Variants in RORA observed in about 807,000 individuals in gnomAD.
RORA encodes the protein nuclear receptor ROR-alpha.
Under a neutral mutation model 69.5 loss-of-function variants are expected in RORA, and 7 were observed. That is an observed-to-expected ratio of 0.10 (90% confidence interval 0.06 to 0.19). RORA has a LOEUF of 0.19. Among genes scored for constraint, RORA ranks in the 10% least tolerant of loss-of-function variants. The pLI, the probability that RORA is intolerant of heterozygous loss-of-function variation, is 1.00. For missense variants in RORA, 457 were observed against 663.0 expected (o/e 0.69, Z 3.41); for synonymous variants, 261 against 240.8 (o/e 1.08, Z -0.78).
intron 2 of RORA, among the ~76,000 whole-genome samples, chr15:60,668,295 TA>T (rs1480634531): frequency 2.6e-5 from 4 of 152,156 alleles, no homozygotes; most frequent in Non-Finnish European, 5.9e-5. Flanking sequence ...TTTGTCTCCT[TA>T]AAAATCAAGA....
At chr15:60,839,589 A>G (rs1190356302) in intron 1 of RORA, among the ~76,000 whole-genome samples, 2 of 152,218 alleles carry the variant, frequency 1.3e-5, no homozygotes, top group Admixed American at 6.5e-5. Flanking sequence ...TCACTGCATT[A>G]TATCAATGCA....
At chr15:61,043,501 C>T (rs1234010837) in intron 1 of RORA, among the ~76,000 whole-genome samples, 1 of 152,214 alleles carries the variant, frequency 6.6e-6, no homozygotes, top group Non-Finnish European at 1.5e-5. Context: ...CCCTTAAACG[C>T]TATTTCAGAA....
intron 1 of RORA, among the ~76,000 whole-genome samples, chr15:60,746,318 T>C (rs1358287031): frequency 6.6e-6 from 1 of 152,002 alleles, no homozygotes; most frequent in Admixed American, 6.5e-5. Context: ...ATTTAATGAA[T>C]GGAGGTTTGA....
rs1166008521 is a variant in RORA at position 60,705,212 on chromosome 15, G to C, written c.167-26526C>G. Among the ~76,000 whole-genome samples, 4 of 152,128 alleles carry C rather than the reference G, an allele frequency of 2.6e-5. No homozygotes were observed. In the East Asian group the frequency reaches 7.7e-4, roughly 29 times the overall value. On this transcript the variant is annotated intron_variant, in intron 1 of 10. Coordinates refer to ENST00000335670, the MANE Select transcript of RORA (RefSeq NM_134261.3). ...GGTTTTTATTGTTATCCAAAACACA[G>C]GGCATGCTGAACTGGTTTCATTTGA...
At chr15:61,041,277 C>T (rs75481263) in intron 1 of RORA, 1 of 152,212 alleles carries the variant, frequency 6.6e-6, no homozygotes, top group African/African-American at 2.4e-5. Flanking sequence ...GTTTCACAGC[C>T]TCATGCCAGT....
At chr15:60,932,471 A>T (rs1303925502) in intron 1 of RORA, among the ~76,000 whole-genome samples, 3 of 152,248 alleles carry the variant, frequency 2.0e-5, no homozygotes, top group Admixed American at 1.3e-4. Context: ...CAGGTATGTT[A>T]AAAAGTTTCA....
At chr15:60,969,442 G>C (rs908640424) in intron 1 of RORA, among the ~76,000 whole-genome samples, 1 of 152,142 alleles carries the variant, frequency 6.6e-6, no homozygotes, top group Non-Finnish European at 1.5e-5. Flanking sequence ...TGATTCTAAT[G>C]TGCAGCCATG....
intron 3 of RORA, among the ~76,000 whole-genome samples, chr15:60,521,415 T>G (rs574193472): frequency 1.3e-5 from 2 of 152,104 alleles, no homozygotes; most frequent in Admixed American, 6.5e-5. Context: ...CTAATTTTTG[T>G]ATTTTTAGTA....
At chr15:61,091,964 A>G (rs1378006405) in intron 1 of RORA, among the ~76,000 whole-genome samples, 2 of 152,248 alleles carry the variant, frequency 1.3e-5, no homozygotes, top group Non-Finnish European at 2.9e-5. Flanking sequence ...GTGGCCCCCA[A>G]GACTAGCTTT....
chr15:61,035,401 A>T (rs1896404938), intron 1 of RORA, among the ~76,000 whole-genome samples: 1 of 152,248 alleles, frequency 6.6e-6, no homozygotes, highest in Non-Finnish European at 1.5e-5. Context: ...TTTTAATCTA[A>T]CGACAATAAA....
chr15:60,857,041 C>T (rs558245167), intron 1 of RORA, among the ~76,000 whole-genome samples: 1 of 152,296 alleles, frequency 6.6e-6, no homozygotes, highest in East Asian at 1.9e-4. Context: ...TTCATTCATT[C>T]CTCCACTCTT....
chr15:61,052,875 G>C (rs1381378498), intron 1 of RORA, among the ~76,000 whole-genome samples: 5 of 152,208 alleles, frequency 3.3e-5, no homozygotes, highest in African/African-American at 4.8e-5. Context: ...AAAGTGTCCA[G>C]CCTGTACCTC....
At chr15:61,220,620 A>T (rs2140946959) in intron 1 of RORA, among the ~76,000 whole-genome samples, 1 of 152,228 alleles carries the variant, frequency 6.6e-6, no homozygotes, top group East Asian at 1.9e-4. Context: ...TTTAAAATTA[A>T]TTGGAAGAGT....
intron 1 of RORA, among the ~76,000 whole-genome samples, chr15:60,840,806 C>G (rs117099553): frequency 6.6e-6 from 1 of 152,200 alleles, no homozygotes; most frequent in Non-Finnish European, 1.5e-5. Context: ...TCTCCGTGGC[C>G]CGGCAGCCTG....
intron 2 of RORA, among the ~76,000 whole-genome samples, chr15:60,585,037 T>A (rs1419230955): frequency 6.6e-6 from 1 of 152,216 alleles, no homozygotes; most frequent in Admixed American, 6.5e-5. Context: ...TTTACAAGCC[T>A]GGTGATTATT....
At chr15:60,881,971 C>T (rs2073685028) in intron 1 of RORA, among the ~76,000 whole-genome samples, 1 of 152,176 alleles carries the variant, frequency 6.6e-6, no homozygotes, top group Non-Finnish European at 1.5e-5. Context: ...ACCCACTGAC[C>T]ATGAATGGAT....
At chr15:60,611,287 CA>C (rs1465788454) in intron 2 of RORA, among the ~76,000 whole-genome samples, 1 of 152,006 alleles carries the variant, frequency 6.6e-6, no homozygotes, top group African/African-American at 2.4e-5. Context: ...ACCCTTGTTT[CA>C]ATATCTTCTG....
chr15:61,138,961 G>C (rs939663738), intron 1 of RORA, among the ~76,000 whole-genome samples: 2 of 151,936 alleles, frequency 1.3e-5, no homozygotes, highest in Non-Finnish European at 2.9e-5. Flanking sequence ...CTGGCTAACA[G>C]GGTGAAACCC....
Position 60,503,517 on chromosome 15 carries a change from C to A in RORA, c.1075+18G>T. 1 of 1,613,206 alleles carries A rather than the reference C, an allele frequency of 6.2e-7. No individual in the cohort carries two copies. Among genetic ancestry groups the A allele is most frequent in the South Asian group, 1.1e-5 (1 of 90,892 alleles). On this transcript the variant is annotated intron_variant, in intron 7 of 10. Coordinates refer to ENST00000335670, the MANE Select transcript of RORA (RefSeq NM_134261.3). ...CAGGTTAGGAAGAGATCTCAAAATT[C>A]ACTTGCAAAGCACATACCTGCTTTT...
Sources: allele counts gnomAD v4.1 joint callset (sites outside exome capture counted in the v4.1 genomes callset), GRCh38; gene constraint gnomAD v4.1.1; transcripts MANE v1.5; gene names NCBI Gene and HGNC (gene_info 2026-07-23, HGNC 2026-07-21).